ADARB2: variants seen among roughly 807,000 people sequenced by gnomAD.
The protein encoded by ADARB2 is inactive double-stranded RNA-specific editase B2.
ADARB2 carries 25 observed loss-of-function variants against 62.2 expected under a neutral mutation model. The observed-to-expected ratio is 0.40, with a 90% CI of 0.29 to 0.56. The LOEUF is 0.56. ADARB2 is among the 20% of genes least tolerant of loss of function. ADARB2 has a pLI of 0.43. For synonymous variants in ADARB2, 572 were observed against 500.8 expected (o/e 1.14, Z -1.90); for missense variants, 1,071 against 1,077.4 (o/e 0.99, Z 0.08).
At chr10:1,218,347 A>C (rs1382504313) in intron 6 of ADARB2, among the ~76,000 whole-genome samples, 1 of 152,190 alleles carries the variant, frequency 6.6e-6, no homozygotes, top group Non-Finnish European at 1.5e-5. Flanking sequence ...CACTGCACCC[A>C]GCCAAAATCT....
chr10:1,471,531 C>T (rs1431756842), intron 1 of ADARB2, among the ~76,000 whole-genome samples: 2 of 152,106 alleles, frequency 1.3e-5, no homozygotes, highest in African/African-American at 4.8e-5. Flanking sequence ...GCTGGGATTA[C>T]AGGCATACGC....
At chr10:1,652,009 T>C (rs868853326) in intron 1 of ADARB2, among the ~76,000 whole-genome samples, 2 of 152,240 alleles carry the variant, frequency 1.3e-5, no homozygotes, top group Non-Finnish European at 2.9e-5. Flanking sequence ...CTGGGCTCCA[T>C]CAACCCTGCT....
chr10:1,596,621 C>G (rs1025929927), intron 1 of ADARB2, among the ~76,000 whole-genome samples: 1 of 152,108 alleles, frequency 6.6e-6, no homozygotes, highest in Non-Finnish European at 1.5e-5. Context: ...GGGGAGGTGC[C>G]GAGGATGGAC....
intron 1 of ADARB2, among the ~76,000 whole-genome samples, chr10:1,708,667 A>G (rs1020988237): frequency 2.0e-5 from 3 of 152,226 alleles, no homozygotes; most frequent in Non-Finnish European, 4.4e-5. Context: ...GCTAAATTCA[A>G]TATCATTTTA....
intron 1 of ADARB2, among the ~76,000 whole-genome samples, chr10:1,574,365 C>T (rs919134296): frequency 4.6e-5 from 7 of 152,114 alleles, no homozygotes; most frequent in African/African-American, 1.4e-4. Flanking sequence ...GGGGACATGG[C>T]GAAAGGTGGA....
At chr10:1,569,978 A>AT (rs1441893695) in intron 1 of ADARB2, among the ~76,000 whole-genome samples, 2 of 152,308 alleles carry the variant, frequency 1.3e-5, no homozygotes, top group Middle Eastern at 3.4e-3. Flanking sequence ...CCTTGAATAT[A>AT]TTACTAAACC....
chr10:1,201,980 TTCAGAG>T (rs891939959), intron 7 of ADARB2, among the ~76,000 whole-genome samples: 1 of 152,178 alleles, frequency 6.6e-6, no homozygotes, highest in African/African-American at 2.4e-5. Context: ...ATGGTGGCTC[TTCAGAG>T]TCAATCTTTT....
At chr10:1,453,461 C>T (rs1361211825) in intron 1 of ADARB2, among the ~76,000 whole-genome samples, 2 of 152,066 alleles carry the variant, frequency 1.3e-5, no homozygotes, top group East Asian at 1.9e-4. Context: ...AAGGGTTTAA[C>T]GTCATTCCTT....
intron 3 of ADARB2, among the ~76,000 whole-genome samples, chr10:1,337,018 A>T (rs745675822): frequency 2.0e-4 from 30 of 151,996 alleles, no homozygotes; most frequent in Non-Finnish European, 3.7e-4. Flanking sequence ...GTTATTTTAT[A>T]ACTAATCCAA....
chr10:1,242,093 G>T, intron 5 of ADARB2, 38 bp downstream of exon 5: 1 of 1,555,562 alleles, frequency 6.4e-7, no homozygotes. Context: ...CCCAGCCGCG[G>T]CGTCCGCCTT....
In ADARB2 at chr10:1,640,651, A is replaced by AC. The variant is rs1199332846; in HGVS notation, c.100+96399_100+96400insG. Among the ~76,000 whole-genome samples the AC allele has an allele frequency of 2.1e-3, 315 of 151,676 alleles. 1 individual carries two copies. Among genetic ancestry groups the AC allele is most frequent in the African/African-American group, 6.0e-3 (248 of 41,464 alleles). ...TGCCTGGGAGACACACACACACACAAAAACACACACACAGACACAAAAACA... is the reference window on the plus strand; with the variant it reads ...TGCCTGGGAGACACACACACACACAACAAACACACACACAGACACAAAAACA... On this transcript the variant is annotated intron_variant, in intron 1 of 9. Transcript: ENST00000381312.
intron 1 of ADARB2, among the ~76,000 whole-genome samples, chr10:1,424,610 G>A (rs968451611): frequency 6.6e-6 from 1 of 151,984 alleles, no homozygotes; most frequent in Admixed American, 6.6e-5. Flanking sequence ...CGGAAGCTTG[G>A]TGCTTTGTGT....
intron 1 of ADARB2, among the ~76,000 whole-genome samples, chr10:1,609,432 C>T (rs1368567762): frequency 2.6e-5 from 4 of 152,250 alleles, no homozygotes; most frequent in Non-Finnish European, 5.9e-5. Context: ...CCCTGTCTGC[C>T]CCTGTCTCCT....
rs192692141 is a variant in ADARB2 at position 1,712,762 on chromosome 10, C to T, written c.100+24289G>A. 5.8e-4 allele frequency among the ~76,000 whole-genome samples: 55 copies of T among 94,094 alleles called. No homozygotes were observed. The East Asian group carries it at 0.01, about 17-fold the overall frequency. The allele number at this position is 94,094 out of a possible 152,430, so 61.7% of individuals were successfully genotyped here. ...TAGCTGGGACTACAGGCTCCCACCACGACGCCCAACTAATTTTTTTGTATT... is the reference window on the plus strand; with the variant it reads ...TAGCTGGGACTACAGGCTCCCACCATGACGCCCAACTAATTTTTTTGTATT... On this transcript the variant is annotated intron_variant, in intron 1 of 9. Transcript: ENST00000381312.
intron 1 of ADARB2, among the ~76,000 whole-genome samples, chr10:1,711,250 C>T (rs538999289): frequency 2.0e-5 from 3 of 152,242 alleles, no homozygotes; most frequent in African/African-American, 7.2e-5. Context: ...TGAGAACAAA[C>T]TCAAGGTCTC....
At chr10:1,293,510 C>T (rs937283501) in intron 3 of ADARB2, among the ~76,000 whole-genome samples, 2 of 152,178 alleles carry the variant, frequency 1.3e-5, no homozygotes, top group African/African-American at 4.8e-5. Flanking sequence ...GTGAGCATCT[C>T]GATTTTTCTT....
intron 1 of ADARB2, among the ~76,000 whole-genome samples, chr10:1,381,526 G>T (rs1476297924): frequency 6.6e-6 from 1 of 152,224 alleles, no homozygotes; most frequent in Non-Finnish European, 1.5e-5. Flanking sequence ...GAAACTCAAG[G>T]AGAGATCTGC....
chr10:1,304,515 A>C lies in ADARB2; in HGVS notation c.1078-33446T>G, dbSNP rs1203450696. ...CCCAGGAATTAAACTCAGCTCTGCA[A>C]CAAGCAGACCTAATAGACATCTACA... On this transcript the variant is annotated intron_variant, in intron 3 of 9. Coordinates refer to ENST00000381312, the MANE Select transcript of ADARB2 (RefSeq NM_018702.4). Among the ~76,000 whole-genome samples the C allele has an allele frequency of 3.5e-3, 531 of 152,320 alleles. 4 individuals carry two copies. The highest frequency in any genetic ancestry group is 0.012 in the African/African-American group (493 of 41,564).
chr10:1,379,897 A>G (rs1832466953), intron 1 of ADARB2, among the ~76,000 whole-genome samples: 1 of 152,226 alleles, frequency 6.6e-6, no homozygotes, highest in South Asian at 2.1e-4. Flanking sequence ...CTTCACCAAT[A>G]AAGTATGCTT....
Sources: gnomAD v4.1 joint callset for allele counts (sites outside exome capture counted in the v4.1 genomes callset) on GRCh38, gnomAD v4.1.1 for gene constraint, MANE v1.5 for transcripts, NCBI Gene and HGNC (gene_info 2026-07-23, HGNC 2026-07-21) for gene names.